Variants in ABTB3 observed in about 807,000 individuals in gnomAD.
The protein encoded by ABTB3 is ankyrin repeat- and BTB/POZ domain-containing protein 3.
chr12:107,483,745 A>G, the ABTB3 span, among the ~76,000 whole-genome samples: 4 of 152,130 alleles, frequency 2.6e-5, no homozygotes, highest in South Asian at 8.3e-4. Flanking sequence ...GGAGCCCAGT[A>G]GCACAATCAT....
At chr12:107,414,716 C>CT in the ABTB3 span, among the ~76,000 whole-genome samples, 509 of 144,756 alleles carry the variant, frequency 3.5e-3, 10 homozygotes, top group East Asian at 0.026. Context: ...CTTTTCTTTT[C>CT]TTTTTCTTTT....
chr12:107,369,816 G>T, the ABTB3 span, among the ~76,000 whole-genome samples: 1 of 137,886 alleles, frequency 7.3e-6, no homozygotes, highest in Non-Finnish European at 1.5e-5. Flanking sequence ...GGCAGAATTT[G>T]CCTGGTGTAT....
the ABTB3 span, among the ~76,000 whole-genome samples, chr12:107,385,765 A>G: frequency 2.2e-4 from 34 of 152,278 alleles, no homozygotes; most frequent in Admixed American, 6.5e-4. Context: ...CCCTGACTCA[A>G]GTTGGGCAGT....
the ABTB3 span, chr12:107,374,768 A>C: frequency 6.4e-6 from 1 of 155,560 alleles, no homozygotes; most frequent in Non-Finnish European, 1.4e-5. Flanking sequence ...CCTTTGAGGA[A>C]GCCTGTGTTT....
chr12:107,436,606 T>A, the ABTB3 span, among the ~76,000 whole-genome samples: 1 of 152,312 alleles, frequency 6.6e-6, no homozygotes, highest in East Asian at 1.9e-4. Context: ...AGAATGGTTA[T>A]CCTGCTTGCT....
the ABTB3 span, chr12:107,640,434 A>C: frequency 7.0e-7 from 1 of 1,438,360 alleles, no homozygotes; most frequent in Non-Finnish European, 9.6e-7. Flanking sequence ...TCGGTTTTGA[A>C]AGCAGCTGCA....
chr12:107,655,651 G>A, the ABTB3 span, among the ~76,000 whole-genome samples: 6 of 152,296 alleles, frequency 3.9e-5, no homozygotes, highest in South Asian at 2.1e-4. Flanking sequence ...CCTCCGCAAC[G>A]TTACCTCTGT....
the ABTB3 span, among the ~76,000 whole-genome samples, chr12:107,579,669 A>G: frequency 1.3e-5 from 2 of 152,184 alleles, no homozygotes; most frequent in South Asian, 2.1e-4. Context: ...TTATAACCCC[A>G]TCTACCTGTC....
At chr12:107,642,097 G>A in the ABTB3 span, 2 of 1,613,740 alleles carry the variant, frequency 1.2e-6, no homozygotes, top group Non-Finnish European at 1.7e-6. Context: ...CAGGTTCAAA[G>A]CACTCCTCTC....
the ABTB3 span, among the ~76,000 whole-genome samples, chr12:107,392,296 G>C: frequency 6.6e-6 from 1 of 152,168 alleles, no homozygotes; most frequent in Non-Finnish European, 1.5e-5. Flanking sequence ...AGAGCCCAGT[G>C]CTTTTGTGTT....
chr12:107,422,129 A>G, the ABTB3 span, among the ~76,000 whole-genome samples: 1 of 152,138 alleles, frequency 6.6e-6, no homozygotes, highest in Non-Finnish European at 1.5e-5. Context: ...GGTCTCGAGG[A>G]GGTAAAATTT....
At chr12:107,471,033 G>A in the ABTB3 span, among the ~76,000 whole-genome samples, 1 of 152,164 alleles carries the variant, frequency 6.6e-6, no homozygotes, top group Non-Finnish European at 1.5e-5. Flanking sequence ...AGGCACGAAG[G>A]GGGCATTTGA....
chr12:107,339,511 T>C, the ABTB3 span, among the ~76,000 whole-genome samples: 1 of 152,226 alleles, frequency 6.6e-6, no homozygotes, highest in East Asian at 1.9e-4. Context: ...TAATCAGTCA[T>C]CATGTTTTCC....
At chr12:107,522,973 T>C in the ABTB3 span, among the ~76,000 whole-genome samples, 2 of 152,210 alleles carry the variant, frequency 1.3e-5, no homozygotes, top group African/African-American at 4.8e-5. Context: ...CAGAGGAAAG[T>C]AATCCTGTAT....
At chr12:107,470,638 G>A in the ABTB3 span, among the ~76,000 whole-genome samples, 1 of 152,224 alleles carries the variant, frequency 6.6e-6, no homozygotes, top group Non-Finnish European at 1.5e-5. Context: ...ACTGCCATCT[G>A]CAGGGTCACC....
chr12:107,334,136 A>G, the ABTB3 span, among the ~76,000 whole-genome samples: 2 of 152,218 alleles, frequency 1.3e-5, no homozygotes, highest in Non-Finnish European at 2.9e-5. Context: ...CCCATAGGTC[A>G]TTGTAGACTT....
chr12:107,475,701 G>A, the ABTB3 span, among the ~76,000 whole-genome samples: 9 of 152,170 alleles, frequency 5.9e-5, no homozygotes, highest in African/African-American at 2.2e-4. Context: ...CTATGCAGAT[G>A]GTATTGTTAT....
the ABTB3 span, among the ~76,000 whole-genome samples, chr12:107,396,287 C>T: frequency 6.6e-6 from 1 of 152,204 alleles, no homozygotes; most frequent in Non-Finnish European, 1.5e-5. Flanking sequence ...AGCTTCTGCC[C>T]CCACCTTCTT....
At chr12:107,557,886 C>G in the ABTB3 span, among the ~76,000 whole-genome samples, 4 of 152,314 alleles carry the variant, frequency 2.6e-5, no homozygotes, top group Admixed American at 1.3e-4. Flanking sequence ...TGCCACCATA[C>G]TTTTGCTGCT....
Sources: allele counts gnomAD v4.1 joint callset (sites outside exome capture counted in the v4.1 genomes callset), GRCh38; gene constraint gnomAD v4.1.1; transcripts MANE v1.5; gene names NCBI Gene and HGNC (gene_info 2026-07-23, HGNC 2026-07-21).